The following PRAG1 variants were observed in gnomAD, a reference collection of about 807,000 sequenced individuals.
The protein encoded by PRAG1 is inactive tyrosine-protein kinase PRAG1.
In PRAG1, 110 loss-of-function variants were observed where a neutral mutation model predicts 95.6. The observed-to-expected ratio is 1.15, with a 90% CI of 0.99 to 1.35. The LOEUF is 1.35. PRAG1 is among the 40% of genes most tolerant of loss of function. PRAG1 has a pLI of 0.00. For synonymous variants in PRAG1, 1,052 were observed against 819.4 expected, an observed-to-expected ratio of 1.28 and a Z score of -4.85; for missense variants, 2,554 against 1,864.7, an observed-to-expected ratio of 1.37 and a Z score of -6.81.
Position 8,319,021 on chromosome 8 carries a change from G to C in PRAG1, c.3354C>G (p.Tyr1118Ter), listed in dbSNP as rs747353712. Reference sequence around the variant, plus strand: ...GAAGCAGGAAGCACACGCGCCGCTCGTACGCCTCGGGCTCCGCCTGGTGGC... The same window carrying C: ...GAAGCAGGAAGCACACGCGCCGCTCCTACGCCTCGGGCTCCGCCTGGTGGC... Reference protein sequence around the residue: ...AASHQAEPEAYERRVCFLLLQ... With the variant: ...AASHQAEPEA The change falls in exon 6 of 6, where the codon TAC becomes TAG. Residue 1118 changes from tyrosine to a stop codon, truncating the protein, a stop_gained. Coordinates refer to ENST00000615670, the MANE Select transcript of PRAG1 (RefSeq NM_001080826.3). LOFTEE classifies it high-confidence loss of function. The C allele has an allele frequency of 1.9e-6, 3 of 1,613,294 alleles. No individual in the cohort carries two copies. The highest frequency in any genetic ancestry group is 2.2e-5 in the East Asian group (1 of 44,858).
Position 8,339,473 on chromosome 8 carries a change from G to T in PRAG1, c.2320+5C>A. 1 of 1,613,518 alleles carries T rather than the reference G, an allele frequency of 6.2e-7. No individual in the cohort carries two copies. ...AAGCCTCTCCGTCAATGTCAAGTTT[G>T]TTACCTCCATCGCTGCAGGTCCTAG... On this transcript the variant is annotated splice_donor_5th_base_variant and intron_variant, in intron 4 of 5. Transcript: ENST00000615670.
intron 1 of PRAG1, among the ~76,000 whole-genome samples, chr8:8,385,399 G>A (rs1294476564): frequency 6.6e-6 from 1 of 152,196 alleles, no homozygotes; most frequent in Non-Finnish European, 1.5e-5. Context: ...AGGGAGGAAT[G>A]TGGTTTTGCA....
chr8:8,354,189 T>C (rs981288719), intron 3 of PRAG1, among the ~76,000 whole-genome samples: 6 of 151,640 alleles, frequency 4.0e-5, no homozygotes, highest in Admixed American at 3.9e-4. Context: ...AGAGAGAAAA[T>C]GGATAAATTC....
rs1430029396 is a variant in PRAG1, at chr8:8,327,863, G to C, written c.2919C>G (p.Leu973=). 1 of 1,614,210 alleles carries C rather than the reference G, an allele frequency of 6.2e-7. No homozygotes were observed. The highest frequency in any genetic ancestry group is 8.5e-7 in the Non-Finnish European group (1 of 1,180,026). Residue 973 remains leucine (L), a synonymous_variant, in exon 5 of 6, where the codon CTC becomes CTG. Coordinates refer to ENST00000615670, the MANE Select transcript of PRAG1 (RefSeq NM_001080826.3). ...LARLVAKCED[L]FMGGQKKELH... ...GCTCCTTTTTCTGGCCGCCCATGAA[G>C]AGGTCCTCACATTTGGCTACAAGGC...
intron 4 of PRAG1, among the ~76,000 whole-genome samples, chr8:8,331,882 T>C (rs988100921): frequency 6.6e-6 from 1 of 152,226 alleles, no homozygotes; most frequent in East Asian, 1.9e-4. Context: ...CAAGGGGTAC[T>C]AGGTATTAGC....
intron 3 of PRAG1, among the ~76,000 whole-genome samples, chr8:8,354,948 TA>T (rs1799638901): frequency 6.6e-6 from 1 of 151,854 alleles, no homozygotes. Context: ...GAAAAAGAAA[TA>T]AAAGGCATCC....
At chr8:8,353,282 T>C (rs2116872339) in intron 3 of PRAG1, among the ~76,000 whole-genome samples, 1 of 152,248 alleles carries the variant, frequency 6.6e-6, no homozygotes, top group Non-Finnish European at 1.5e-5. Flanking sequence ...ATGGAACTTT[T>C]TCCAGGATAG....
intron 4 of PRAG1, among the ~76,000 whole-genome samples, chr8:8,331,654 A>G (rs1199418776): frequency 6.6e-6 from 1 of 152,158 alleles, no homozygotes; most frequent in East Asian, 1.9e-4. Context: ...TAGCAACATA[A>G]TCGGTAACAC....
At chr8:8,383,494 C>T (rs1800751809) in intron 1 of PRAG1, among the ~76,000 whole-genome samples, 1 of 151,986 alleles carries the variant, frequency 6.6e-6, no homozygotes, top group Non-Finnish European at 1.5e-5. Context: ...GGTAGGAGGA[C>T]TGCCTGAGCC....
At chr8:8,373,933 T>G (rs906504389) in intron 3 of PRAG1, among the ~76,000 whole-genome samples, 65 of 152,320 alleles carry the variant, frequency 4.3e-4, no homozygotes, top group African/African-American at 1.5e-3. Flanking sequence ...CTGAGTCATG[T>G]TGCTATGGTT....
At chr8:8,363,098 T>G (rs1799895905) in intron 3 of PRAG1, among the ~76,000 whole-genome samples, 1 of 148,764 alleles carries the variant, frequency 6.7e-6, no homozygotes, top group African/African-American at 2.4e-5. Flanking sequence ...CGTGTGTATA[T>G]ATATATATAC....
intron 3 of PRAG1, among the ~76,000 whole-genome samples, chr8:8,365,978 A>AAAAC (rs545077275): frequency 1.2e-3 from 177 of 152,074 alleles, no homozygotes; most frequent in African/African-American, 2.6e-3. Flanking sequence ...ACCCTGTCTC[A>AAAAC]AAACAAACAA....
intron 3 of PRAG1, among the ~76,000 whole-genome samples, chr8:8,348,896 C>T (rs771505748): frequency 9.8e-4 from 149 of 152,210 alleles, no homozygotes; most frequent in Non-Finnish European, 1.8e-3. Context: ...CGTGCTGGAA[C>T]ACAGAGTCAT....
Position 8,318,554 on chromosome 8 carries a change from C to T in PRAG1, c.3821G>A (p.Arg1274His), listed in dbSNP as rs1162531676. Residue 1274 changes from arginine (R) to histidine (H), a missense_variant, in exon 6 of 6, where the codon CGC (arginine) becomes CAC (histidine). Transcript: ENST00000615670. The surrounding 1 kb of genome is among the most constrained non-coding windows in gnomAD (Gnocchi z 4.2). ...LLHQPNPFEV[R>H]AQLRERDYRQ... ...GTAGTCTCTCTCCCGCAGCTGGGCGCGCACCTCGAACGGGTTGGGTTGGTG... is the reference window on the plus strand; with the variant it reads ...GTAGTCTCTCTCCCGCAGCTGGGCGTGCACCTCGAACGGGTTGGGTTGGTG... 1 of 1,613,502 alleles carries T rather than the reference C, an allele frequency of 6.2e-7. No homozygotes were observed. Among genetic ancestry groups the T allele is most frequent in the African/African-American group, 1.3e-5 (1 of 74,878 alleles).
Position 8,317,938 on chromosome 8 carries a change from A to C in PRAG1, c.*216T>G, listed in dbSNP as rs1003675253. ...TTACAGAAGAAAACAGGGAGGACTTAGTGCAGAGAGGAGACGAGTGTGGAC... is the reference window on the plus strand; with the variant it reads ...TTACAGAAGAAAACAGGGAGGACTTCGTGCAGAGAGGAGACGAGTGTGGAC... On this transcript the variant is annotated 3_prime_UTR_variant, in exon 6 of 6. Coordinates refer to ENST00000615670, the MANE Select transcript of PRAG1 (RefSeq NM_001080826.3). 1 of 348,674 alleles carries C rather than the reference A, an allele frequency of 2.9e-6. No individual in the cohort carries two copies. Among genetic ancestry groups the C allele is most frequent in the Non-Finnish European group, 5.0e-6 (1 of 201,134 alleles). 21.6% of individuals were successfully genotyped at this position (348,674 alleles called of 1,614,324 possible).
chr8:8,331,841 C>G (rs1029604779), intron 4 of PRAG1, among the ~76,000 whole-genome samples: 26 of 152,208 alleles, frequency 1.7e-4, no homozygotes, highest in East Asian at 3.9e-4. Flanking sequence ...TTGATCAGAT[C>G]TACACCGTAT....
intron 5 of PRAG1, among the ~76,000 whole-genome samples, chr8:8,324,742 T>TA (rs917133578): frequency 5.9e-5 from 9 of 152,352 alleles, no homozygotes; most frequent in Admixed American, 2.6e-4. Context: ...AAGTCTGGGC[T>TA]AAATCATGTC....
At chr8:8,361,972 T>G (rs1180109144) in intron 3 of PRAG1, among the ~76,000 whole-genome samples, 1 of 152,214 alleles carries the variant, frequency 6.6e-6, no homozygotes, top group East Asian at 1.9e-4. Context: ...GAATGCTGGG[T>G]AGACTCAACT....
Position 8,377,981 on chromosome 8 carries a change from GC to G in PRAG1, c.427del (p.Ala143LeufsTer38), listed in dbSNP as rs763973961. The G allele has an allele frequency of 1.9e-6, 3 of 1,612,918 alleles. No individual in the cohort carries two copies. In the African/African-American group the frequency reaches 4.0e-5, roughly 21 times the overall value. On this transcript the variant is annotated frameshift_variant, in exon 3 of 6. Transcript: ENST00000615670. LOFTEE classifies it high-confidence loss of function. ...GCCATCAGGGGAGGTAGAGGGACCAGCAGGCTTCTGTACACCTCGGAAGCTG... is the reference window on the plus strand; with the variant it reads ...GCCATCAGGGGAGGTAGAGGGACCAGAGGCTTCTGTACACCTCGGAAGCTG... ...LGSFRGVQKPAGPSTSPDGNS... is the reference protein window; with the variant it reads ...LGSFRGVQKPXGPSTSPDGNS...
Sources: allele counts gnomAD v4.1 joint callset (sites outside exome capture counted in the v4.1 genomes callset), GRCh38; gene constraint gnomAD v4.1.1; non-coding constraint Gnocchi (gnomAD v3.1); transcripts MANE v1.5; gene names NCBI Gene and HGNC (gene_info 2026-07-23, HGNC 2026-07-21).